FHIT: variants seen among roughly 807,000 people sequenced by gnomAD.
FHIT encodes fragile histidine triad diadenosine triphosphatase.
In FHIT, 19 loss-of-function variants were observed where a neutral mutation model predicts 17.9. The observed-to-expected ratio is 1.06, with a 90% CI of 0.74 to 1.56. FHIT has a LOEUF of 1.56. FHIT is among the 40% of genes most tolerant of loss of function. The probability of loss-of-function intolerance (pLI) is 0.00; values close to 1 mark genes in which losing one functional copy is unlikely to be tolerated. For missense variants in FHIT, 248 were observed against 189.2 expected (o/e 1.31, Z -1.82); for synonymous variants, 81 against 69.7 (o/e 1.16, Z -0.81).
At chr3:60,434,323 T>G (rs908041871) in intron 5 of FHIT, among the ~76,000 whole-genome samples, 1 of 152,112 alleles carries the variant, frequency 6.6e-6, no homozygotes, top group African/African-American at 2.4e-5. Flanking sequence ...CATATGTGAA[T>G]AGTCACTTTT....
chr3:59,778,531 C>T (rs1035652590), intron 8 of FHIT, among the ~76,000 whole-genome samples: 1 of 152,180 alleles, frequency 6.6e-6, no homozygotes, highest in African/African-American at 2.4e-5. Flanking sequence ...TCTGGCTCTT[C>T]AGGCCATATG....
At chr3:60,690,912 G>A (rs2040972887) in intron 4 of FHIT, among the ~76,000 whole-genome samples, 1 of 151,990 alleles carries the variant, frequency 6.6e-6, no homozygotes, top group African/African-American at 2.4e-5. Flanking sequence ...CTAAGCAGTA[G>A]GTTTTATAGC....
At chr3:60,559,613 C>A (rs1166958020) in intron 4 of FHIT, among the ~76,000 whole-genome samples, 1 of 152,140 alleles carries the variant, frequency 6.6e-6, no homozygotes, top group Non-Finnish European at 1.5e-5. Context: ...TCAAAAACTG[C>A]CCCACAAGAG....
chr3:61,116,308 A>G (rs1467528261), intron 2 of FHIT, among the ~76,000 whole-genome samples: 4 of 152,132 alleles, frequency 2.6e-5, no homozygotes, highest in Non-Finnish European at 5.9e-5. Context: ...TAATACGTAC[A>G]CACACTTTTA....
chr3:60,132,786 G>C (rs569500219), intron 5 of FHIT, among the ~76,000 whole-genome samples: 5 of 152,208 alleles, frequency 3.3e-5, no homozygotes, highest in Admixed American at 2.6e-4. Flanking sequence ...AGGTAAATAA[G>C]GTAAAATGCC....
chr3:60,842,647 T>TATATATA (rs1406123749), intron 3 of FHIT, among the ~76,000 whole-genome samples: 15 of 92,492 alleles, frequency 1.6e-4, no homozygotes, highest in African/African-American at 4.6e-4. Flanking sequence ...ATATATATAT[T>TATATATA]TTTTTTTTTT....
At chr3:60,884,650 T>C (rs547689062) in intron 3 of FHIT, among the ~76,000 whole-genome samples, 1 of 152,000 alleles carries the variant, frequency 6.6e-6, no homozygotes, top group Non-Finnish European at 1.5e-5. Context: ...CAGACAAATA[T>C]TGGCTGGGCT....
At chr3:60,590,521 G>A (rs1025128177) in intron 4 of FHIT, among the ~76,000 whole-genome samples, 1 of 152,076 alleles carries the variant, frequency 6.6e-6, no homozygotes, top group Non-Finnish European at 1.5e-5. Flanking sequence ...TGCACTTTCA[G>A]AAAACTGTTT....
chr3:60,595,621 G>GA (rs2038243314), intron 4 of FHIT, among the ~76,000 whole-genome samples: 1 of 145,834 alleles, frequency 6.9e-6, no homozygotes, highest in African/African-American at 2.7e-5. Flanking sequence ...ATGTGTGTAT[G>GA]TATATATGTG....
chr3:59,915,574 T>C (rs1705094644), intron 8 of FHIT, among the ~76,000 whole-genome samples: 1 of 152,184 alleles, frequency 6.6e-6, no homozygotes, highest in Admixed American at 6.5e-5. Context: ...CTTCATGATC[T>C]TCCTTGGAGG....
chr3:60,670,449 C>G (rs1343458840), intron 4 of FHIT, among the ~76,000 whole-genome samples: 3 of 152,188 alleles, frequency 2.0e-5, no homozygotes, highest in Non-Finnish European at 4.4e-5. Context: ...AGTAGCGACA[C>G]AAATATCCAC....
chr3:60,870,702 T>C (rs902855758), intron 3 of FHIT, among the ~76,000 whole-genome samples: 12 of 152,158 alleles, frequency 7.9e-5, no homozygotes, highest in African/African-American at 2.7e-4. Context: ...ACCTCAGGCC[T>C]GCTTAGAGGA....
chr3:60,854,016 T>A (rs546862664), intron 3 of FHIT, among the ~76,000 whole-genome samples: 1 of 152,178 alleles, frequency 6.6e-6, no homozygotes, highest in Non-Finnish European at 1.5e-5. Context: ...GTAAGCATAA[T>A]ATCCAAATGC....
At chr3:60,623,342 CATG>C (rs1444097669) in intron 4 of FHIT, among the ~76,000 whole-genome samples, 4 of 152,104 alleles carry the variant, frequency 2.6e-5, no homozygotes, top group African/African-American at 9.7e-5. Flanking sequence ...CTCAATTTAA[CATG>C]ATACTTATGT....
chr3:60,256,170 C>G (rs868507509), intron 5 of FHIT, among the ~76,000 whole-genome samples: 1 of 152,258 alleles, frequency 6.6e-6, no homozygotes, highest in Middle Eastern at 3.4e-3. Context: ...AATTCCCCAT[C>G]GTGCCTATTC....
intron 3 of FHIT, among the ~76,000 whole-genome samples, chr3:60,916,470 C>A (rs1868228): frequency 0.37 from 55,816 of 151,966 alleles, 10,997 homozygotes; most frequent in South Asian, 0.45. Context: ...TAAAAAGAGT[C>A]GGGGTAAAAA....
chr3:60,118,862 CAA>C (rs368114180), intron 5 of FHIT, among the ~76,000 whole-genome samples: 1 of 136,600 alleles, frequency 7.3e-6, no homozygotes, highest in Non-Finnish European at 1.6e-5. Context: ...ACTGATAATA[CAA>C]AAAAAAAATA....
intron 5 of FHIT, among the ~76,000 whole-genome samples, chr3:60,193,828 G>C (rs1257745994): frequency 6.6e-6 from 1 of 152,168 alleles, no homozygotes; most frequent in East Asian, 1.9e-4. Context: ...AGGAAGGAGA[G>C]AGTCCTCACA....
intron 5 of FHIT, among the ~76,000 whole-genome samples, chr3:60,370,121 A>T (rs78871653): frequency 0.039 from 5,980 of 152,294 alleles, 222 homozygotes; most frequent in African/African-American, 0.1. Context: ...TTTTACTCAT[A>T]ATATGTAAAA....
Sources: allele counts gnomAD v4.1 joint callset (sites outside exome capture counted in the v4.1 genomes callset), GRCh38; gene constraint gnomAD v4.1.1; transcripts MANE v1.5; gene names NCBI Gene and HGNC (gene_info 2026-07-23, HGNC 2026-07-21).